EPHA3: variants seen among roughly 807,000 people sequenced by gnomAD.
EPHA3 encodes the protein ephrin type-A receptor 3.
Under a neutral mutation model 107.1 loss-of-function variants are expected in EPHA3, and 42 were observed. The observed-to-expected ratio is 0.39, with a 90% confidence interval of 0.31 to 0.51. The LOEUF is 0.51. EPHA3 is among the 20% of genes least tolerant of loss of function. The pLI is 0.78. For synonymous variants in EPHA3, 461 were observed against 424.8 expected, an observed-to-expected ratio of 1.09 and a Z score of -1.05; for missense variants, 1,183 against 1,211.2, an observed-to-expected ratio of 0.98 and a Z score of 0.35.
intron 2 of EPHA3, among the ~76,000 whole-genome samples, chr3:89,144,472 T>C (rs115154604): frequency 9.2e-5 from 14 of 151,890 alleles, no homozygotes; most frequent in African/African-American, 3.1e-4. Context: ...TTTGTACTTA[T>C]TGAGGTGTGC....
At chr3:89,342,963 G>A (rs1306696722) in intron 5 of EPHA3, among the ~76,000 whole-genome samples, 3 of 151,834 alleles carry the variant, frequency 2.0e-5, no homozygotes, top group Admixed American at 1.3e-4. Flanking sequence ...GAGAACTACC[G>A]ATTCTCCAGT....
intron 2 of EPHA3, 126 bp downstream of exon 2, chr3:89,127,399 A>T (rs1281489594): frequency 9.1e-6 from 6 of 656,108 alleles, no homozygotes; most frequent in Non-Finnish European, 1.3e-5. Context: ...TTATAGGAGT[A>T]TTCAATATAT....
chr3:89,400,790 TAA>T (rs376446858), intron 7 of EPHA3, among the ~76,000 whole-genome samples: 4 of 152,272 alleles, frequency 2.6e-5, no homozygotes, highest in African/African-American at 9.6e-5. Context: ...TTCTAGTAAA[TAA>T]GTGTTATTTC....
At chr3:89,318,529 A>G (rs141444602) in intron 3 of EPHA3, among the ~76,000 whole-genome samples, 38 of 151,960 alleles carry the variant, frequency 2.5e-4, no homozygotes, top group African/African-American at 6.5e-4. Context: ...CTGGCCCTCA[A>G]TCATTTGCAC....
Position 89,183,952 on chromosome 3 carries a change from A to G in EPHA3, c.154-25908A>G, listed in dbSNP as rs574145315. On this transcript the variant is annotated intron_variant, in intron 2 of 16. Coordinates refer to ENST00000336596, the MANE Select transcript of EPHA3 (RefSeq NM_005233.6). ...AAATGATCATTTAAATCATATTACT[A>G]TATCCTATTCTATGACTATAAAAAT... is the stretch of plus-strand genomic sequence containing the variant. Among the ~76,000 whole-genome samples the G allele has an allele frequency of 2.6e-5, 4 of 152,132 alleles. No homozygotes were observed. In the East Asian group the frequency reaches 7.7e-4, roughly 29 times the overall value.
intron 2 of EPHA3, among the ~76,000 whole-genome samples, chr3:89,201,257 C>A (rs1030001001): frequency 2.6e-5 from 4 of 152,056 alleles, no homozygotes; most frequent in African/African-American, 9.7e-5. Flanking sequence ...ATCATGAAAA[C>A]AGAAGGGGAA....
intron 16 of EPHA3, among the ~76,000 whole-genome samples, chr3:89,474,197 A>G (rs1710461434): frequency 6.6e-6 from 1 of 152,174 alleles, no homozygotes; most frequent in Non-Finnish European, 1.5e-5. Context: ...TACAATCAGA[A>G]AGACATAAAG....
intron 5 of EPHA3, among the ~76,000 whole-genome samples, chr3:89,365,709 A>G (rs1290244479): frequency 1.3e-5 from 2 of 150,678 alleles, no homozygotes; most frequent in Admixed American, 1.3e-4. Context: ...CCTACTTAGC[A>G]TCAACAATAC....
intron 3 of EPHA3, among the ~76,000 whole-genome samples, chr3:89,320,315 G>A (rs1235151743): frequency 1.3e-5 from 2 of 151,942 alleles, no homozygotes. Flanking sequence ...AGCTGGGTCA[G>A]AATAGTGTTC....
At chr3:89,429,569 G>A (rs1709522387) in intron 12 of EPHA3, among the ~76,000 whole-genome samples, 1 of 152,068 alleles carries the variant, frequency 6.6e-6, no homozygotes, top group Non-Finnish European at 1.5e-5. Context: ...TTTCCAAACA[G>A]TGCTGTCAGA....
chr3:89,371,864 A>G (rs1708311939), intron 5 of EPHA3, among the ~76,000 whole-genome samples: 1 of 151,568 alleles, frequency 6.6e-6, no homozygotes, highest in Non-Finnish European at 1.5e-5. Context: ...TTGAAGAGAA[A>G]CAGTTTCTAA....
intron 2 of EPHA3, among the ~76,000 whole-genome samples, chr3:89,131,629 C>G (rs1169293067): frequency 8.5e-5 from 13 of 152,064 alleles, no homozygotes; most frequent in Admixed American, 5.9e-4. Flanking sequence ...CTATGACTCA[C>G]TTAATTAAAG....
chr3:89,245,638 A>G (rs1291601845), intron 3 of EPHA3, among the ~76,000 whole-genome samples: 3 of 152,232 alleles, frequency 2.0e-5, no homozygotes, highest in Admixed American at 6.5e-5. Context: ...ATCCTACTGC[A>G]ATGGGCAAGA....
At chr3:89,344,022 A>T (rs35981897) in intron 5 of EPHA3, among the ~76,000 whole-genome samples, 11,079 of 152,232 alleles carry the variant, frequency 0.073, 578 homozygotes, top group South Asian at 0.12. Context: ...AGGAATTTTA[A>T]CAAATTATGA....
At chr3:89,443,660 C>CT (rs1311186238) in intron 13 of EPHA3, among the ~76,000 whole-genome samples, 1 of 152,062 alleles carries the variant, frequency 6.6e-6, no homozygotes, top group East Asian at 1.9e-4. Flanking sequence ...GAACAACGTG[C>CT]TTTTTTGCAA....
chr3:89,381,357 C>G (rs1230300865), intron 5 of EPHA3, among the ~76,000 whole-genome samples: 1 of 151,984 alleles, frequency 6.6e-6, no homozygotes, highest in African/African-American at 2.4e-5. Context: ...TTTCTGTCCC[C>G]TCCACATTTA....
chr3:89,261,628 A>G (rs530188066), intron 3 of EPHA3, among the ~76,000 whole-genome samples: 2 of 152,162 alleles, frequency 1.3e-5, no homozygotes, highest in Non-Finnish European at 2.9e-5. Flanking sequence ...AAATAAATGG[A>G]TATTTGACAA....
intron 2 of EPHA3, among the ~76,000 whole-genome samples, chr3:89,134,228 A>ATTTTT (rs1559746542): frequency 2.7e-5 from 4 of 150,684 alleles, no homozygotes; most frequent in African/African-American, 9.8e-5. Context: ...TTTTTTTAAA[A>ATTTTT]AAATTATACT....
intron 2 of EPHA3, among the ~76,000 whole-genome samples, chr3:89,191,474 T>A (rs1367116159): frequency 6.6e-6 from 1 of 151,762 alleles, no homozygotes; most frequent in East Asian, 1.9e-4. Context: ...GCCCGGCTAA[T>A]TTTTTGTATT....
Sources: gnomAD v4.1 joint callset for allele counts (sites outside exome capture counted in the v4.1 genomes callset) on GRCh38, gnomAD v4.1.1 for gene constraint, MANE v1.5 for transcripts, NCBI Gene and HGNC (gene_info 2026-07-23, HGNC 2026-07-21) for gene names.